Variants in CYFIP1 observed in about 807,000 individuals in gnomAD.
CYFIP1 encodes the protein cytoplasmic FMR1-interacting protein 1.
Under a neutral mutation model 163.5 loss-of-function variants are expected in CYFIP1, and 58 were observed. The observed-to-expected ratio is 0.35, with a 90% CI of 0.29 to 0.44. CYFIP1 has a LOEUF of 0.44. CYFIP1 is among the 20% of genes least tolerant of loss of function. CYFIP1 has a pLI of 1.00. For synonymous variants in CYFIP1, 663 were observed against 660.7 expected (o/e 1.00, Z -0.05); for missense variants, 1,338 against 1,653.8 (o/e 0.81, Z 3.31).
chr15:22,968,732 G>C (rs1180327447), intron 1 of CYFIP1, among the ~76,000 whole-genome samples: 1 of 152,176 alleles, frequency 6.6e-6, no homozygotes, highest in African/African-American at 2.4e-5. Flanking sequence ...AGTCAGTGAA[G>C]TTTTTGTTCA....
At chr15:22,911,225 A>G (rs1424286206) in intron 18 of CYFIP1, among the ~76,000 whole-genome samples, 1 of 152,170 alleles carries the variant, frequency 6.6e-6, no homozygotes, top group Admixed American at 6.5e-5. Flanking sequence ...ACTGTCCAAC[A>G]ACAGCACACT....
intron 17 of CYFIP1, among the ~76,000 whole-genome samples, chr15:22,913,532 A>T (rs2060857111): frequency 6.9e-6 from 1 of 145,720 alleles, no homozygotes; most frequent in Non-Finnish European, 1.5e-5. Flanking sequence ...TGTCTCAAAA[A>T]AAAAAAAAAA....
chr15:22,870,513 T>A (rs1319041835), intron 30 of CYFIP1, among the ~76,000 whole-genome samples: 1 of 152,134 alleles, frequency 6.6e-6, no homozygotes, highest in African/African-American at 2.4e-5. Flanking sequence ...GGTCTTATTA[T>A]GCTGTCCAGG....
intron 25 of CYFIP1, among the ~76,000 whole-genome samples, chr15:22,880,678 C>T (rs780219400): frequency 2.4e-4 from 36 of 152,166 alleles, no homozygotes; most frequent in Non-Finnish European, 4.4e-4. Flanking sequence ...CAGGAGGGGC[C>T]TAAACTACCC....
chr15:22,872,680 C>G lies in CYFIP1; in HGVS notation c.3597+145G>C, dbSNP rs1566908961. On this transcript the variant is annotated intron_variant, in intron 30 of 30. Transcript: ENST00000617928. The stretch of plus-strand genomic sequence containing the variant: ...TTTACTGGCCAATTATATTTAGATT[C>G]ATTTTGGGAACGAAAAGAAAGTTTC... 37 of 740,952 alleles carry G rather than the reference C, an allele frequency of 5.0e-5. No individual in the cohort carries two copies. In the South Asian group the frequency reaches 6.6e-4, roughly 13 times the overall value. 45.9% of individuals were successfully genotyped at this position (740,952 alleles called of 1,614,324 possible).
intron 1 of CYFIP1, among the ~76,000 whole-genome samples, chr15:22,979,509 A>G (rs1281978596): frequency 6.6e-6 from 1 of 152,162 alleles, no homozygotes; most frequent in Non-Finnish European, 1.5e-5. Context: ...GCTGGGCTCA[A>G]TCAGCAGCCG....
At position 22,965,036 on chromosome 15, in the gene CYFIP1, TTGTGTG is replaced by T. The variant is rs56857768; in HGVS notation, c.-7+15245_-7+15250del. Among the ~76,000 whole-genome samples the T allele has an allele frequency of 7.3e-3, 1,087 of 149,502 alleles. 10 individuals are homozygous for T. The highest frequency in any genetic ancestry group is 0.014 in the African/African-American group (579 of 41,008). On this transcript the variant is annotated intron_variant, in intron 1 of 30. Coordinates refer to ENST00000617928, the MANE Select transcript of CYFIP1 (RefSeq NM_014608.6). ...TTTTTAAAGGCTGAATAGTATTCCA[TTGTGTG>T]TGTGTGTGTGTGTGTGTGTGTGTGT...
In CYFIP1 at chr15:22,928,287, G is replaced by A. The variant is rs564754341; in HGVS notation, c.1111-259C>T. The stretch of plus-strand genomic sequence containing the variant: ...AGTCCCAGCTACTTCAGAGGCTGAG[G>A]CAGGAGAATGGCGTGAGCCCGGGAG... On this transcript the variant is annotated intron_variant, in intron 11 of 30. Transcript: ENST00000617928. 6.4e-3 allele frequency among the ~76,000 whole-genome samples: 978 copies of A among 152,314 alleles called. 11 individuals carry two copies. Among genetic ancestry groups the A allele is most frequent in the African/African-American group, 0.022 (903 of 41,560 alleles).
At chr15:22,886,654 G>A (rs998658549) in intron 23 of CYFIP1, among the ~76,000 whole-genome samples, 2 of 152,120 alleles carry the variant, frequency 1.3e-5, no homozygotes, top group African/African-American at 4.8e-5. Flanking sequence ...ACTCTCCATA[G>A]GATTTCAGTT....
intron 22 of CYFIP1, among the ~76,000 whole-genome samples, chr15:22,902,730 G>C (rs747161696): frequency 6.6e-6 from 1 of 152,164 alleles, no homozygotes; most frequent in Non-Finnish European, 1.5e-5. Flanking sequence ...AGCCCAGAGC[G>C]CGTGGCCATG....
chr15:22,934,476 C>G (rs1421404200), intron 9 of CYFIP1, among the ~76,000 whole-genome samples: 1 of 130,250 alleles, frequency 7.7e-6, no homozygotes, highest in African/African-American at 2.9e-5. Flanking sequence ...TGAACCACCG[C>G]ACCCAGCCCT....
At chr15:22,899,564 T>C (rs2141992951) in intron 22 of CYFIP1, among the ~76,000 whole-genome samples, 1 of 152,292 alleles carries the variant, frequency 6.6e-6, no homozygotes, top group South Asian at 2.1e-4. Context: ...CTCTCTCTCG[T>C]CTGCTGCCAT....
intron 22 of CYFIP1, among the ~76,000 whole-genome samples, chr15:22,896,983 G>A (rs1450824162): frequency 1.3e-5 from 2 of 152,116 alleles, no homozygotes; most frequent in African/African-American, 4.8e-5. Context: ...GAGGCAGGTG[G>A]ATCACCTGAA....
intron 1 of CYFIP1, among the ~76,000 whole-genome samples, chr15:22,971,659 A>G (rs2063099915): frequency 6.6e-6 from 1 of 151,568 alleles, no homozygotes; most frequent in Non-Finnish European, 1.5e-5. Context: ...CTGAGCAACA[A>G]GACCAAAACT....
At chr15:22,882,402 C>G (rs1299182173) in intron 24 of CYFIP1, among the ~76,000 whole-genome samples, 2 of 152,366 alleles carry the variant, frequency 1.3e-5, no homozygotes, top group Admixed American at 1.3e-4. Flanking sequence ...CTGTTTGGGT[C>G]ACGGGCTGAT....
intron 20 of CYFIP1, among the ~76,000 whole-genome samples, chr15:22,909,967 C>A (rs1414252938): frequency 1.1e-4 from 16 of 152,024 alleles, no homozygotes; most frequent in Admixed American, 1.0e-3. Flanking sequence ...TGGAGAAGGG[C>A]TGACCCCTCC....
intron 9 of CYFIP1, 92 bp from the exon 10 acceptor site, chr15:22,933,985 T>C: frequency 1.2e-6 from 1 of 862,530 alleles, no homozygotes; most frequent in South Asian, 1.8e-5. Context: ...TAATAATTAC[T>C]TCGGCTTGAA....
At chr15:22,959,331 A>C (rs1278216001) in intron 1 of CYFIP1, among the ~76,000 whole-genome samples, 1 of 152,048 alleles carries the variant, frequency 6.6e-6, no homozygotes, top group Non-Finnish European at 1.5e-5. Flanking sequence ...CGCTCCACCT[A>C]CTCTTTCTGT....
intron 9 of CYFIP1, among the ~76,000 whole-genome samples, chr15:22,936,357 C>A (rs1488533283): frequency 6.6e-6 from 1 of 152,156 alleles, no homozygotes; most frequent in Admixed American, 6.5e-5. Context: ...CTTGAAGTGG[C>A]ACATCACGAA....
Sources: allele counts gnomAD v4.1 joint callset (sites outside exome capture counted in the v4.1 genomes callset), GRCh38; gene constraint gnomAD v4.1.1; transcripts MANE v1.5; gene names NCBI Gene and HGNC (gene_info 2026-07-23, HGNC 2026-07-21).